Variants in HPSE2 observed in about 807,000 individuals in gnomAD.
HPSE2 encodes the protein heparanase 2 (inactive).
Under a neutral mutation model 60.5 loss-of-function variants are expected in HPSE2, and 38 were observed. The ratio of observed to expected loss-of-function variants is 0.63; its 90% CI spans 0.48 to 0.82. HPSE2 has a LOEUF of 0.82. Among genes scored for constraint, HPSE2 ranks in the 40% least tolerant of loss-of-function variants. The pLI is 0.00. For missense variants in HPSE2, 713 were observed against 740.4 expected, an observed-to-expected ratio of 0.96 and a Z score of 0.43; for synonymous variants, 295 against 293.2, an observed-to-expected ratio of 1.01 and a Z score of -0.06.
chr10:99,192,052 G>A (rs1313366907), intron 2 of HPSE2, among the ~76,000 whole-genome samples: 2 of 152,098 alleles, frequency 1.3e-5, no homozygotes, highest in South Asian at 4.2e-4. Context: ...AACATACATA[G>A]AGGAGACAAA....
intron 3 of HPSE2, among the ~76,000 whole-genome samples, chr10:98,986,835 C>G (rs978948104): frequency 6.6e-5 from 10 of 152,034 alleles, no homozygotes; most frequent in Admixed American, 2.0e-4. Flanking sequence ...CACAGAAATA[C>G]AAACTACCAT....
At chr10:99,249,717 C>T in the HPSE2 span, among the ~76,000 whole-genome samples, 3 of 152,102 alleles carry the variant, frequency 2.0e-5, no homozygotes, top group African/African-American at 7.2e-5. Flanking sequence ...TGTCCCTGCC[C>T]AAATCTCAAT....
At chr10:98,999,854 T>A (rs1287952993) in intron 3 of HPSE2, among the ~76,000 whole-genome samples, 2 of 152,186 alleles carry the variant, frequency 1.3e-5, no homozygotes, top group Non-Finnish European at 2.9e-5. Context: ...ATTTTCTTGA[T>A]AATGGGGAGC....
chr10:99,156,000 A>C (rs1160499196), intron 2 of HPSE2, among the ~76,000 whole-genome samples: 1 of 151,456 alleles, frequency 6.6e-6, no homozygotes, highest in Non-Finnish European at 1.5e-5. Flanking sequence ...GAAAATCTAG[A>C]AGAAATGGAT....
chr10:99,107,587 A>C (rs1274513753), intron 3 of HPSE2, among the ~76,000 whole-genome samples: 3 of 152,202 alleles, frequency 2.0e-5, no homozygotes, highest in African/African-American at 7.2e-5. Flanking sequence ...TTTTAGATCA[A>C]TATTTAACAC....
chr10:98,657,755 AGGT>A (rs1284331602), intron 6 of HPSE2, among the ~76,000 whole-genome samples: 1 of 152,226 alleles, frequency 6.6e-6, no homozygotes, highest in African/African-American at 2.4e-5. Context: ...ATACAGTTTA[AGGT>A]TGAATCACAA....
intron 7 of HPSE2, among the ~76,000 whole-genome samples, chr10:98,621,694 C>T (rs898893508): frequency 6.6e-6 from 1 of 152,232 alleles, no homozygotes; most frequent in African/African-American, 2.4e-5. Context: ...CAAGGGGATA[C>T]AAGGGAAAGC....
chr10:99,253,090 C>T, the HPSE2 span, among the ~76,000 whole-genome samples: 385 of 152,200 alleles, frequency 2.5e-3, 2 homozygotes, highest in Non-Finnish European at 3.6e-3. Context: ...CTATTCCTAT[C>T]AAACTACCAA....
chr10:98,957,066 T>G (rs1395080419), intron 3 of HPSE2, among the ~76,000 whole-genome samples: 1 of 152,172 alleles, frequency 6.6e-6, no homozygotes. Flanking sequence ...TGACTAATGT[T>G]GCATACCAAC....
intron 2 of HPSE2, among the ~76,000 whole-genome samples, chr10:99,205,256 T>G (rs1848707127): frequency 6.6e-6 from 1 of 151,804 alleles, no homozygotes; most frequent in Non-Finnish European, 1.5e-5. Flanking sequence ...ATTTTAAAAC[T>G]AAAAAAATAG....
intron 3 of HPSE2, among the ~76,000 whole-genome samples, chr10:99,040,356 C>T (rs948686973): frequency 1.3e-5 from 2 of 152,050 alleles, no homozygotes; most frequent in African/African-American, 4.8e-5. Flanking sequence ...TTAATATACT[C>T]ATGGTACTTT....
intron 3 of HPSE2, among the ~76,000 whole-genome samples, chr10:99,117,899 CA>C (rs1179425308): frequency 1.3e-5 from 2 of 152,132 alleles, no homozygotes; most frequent in African/African-American, 4.8e-5. Flanking sequence ...CAAAACATAG[CA>C]GAGACACAAT....
intron 3 of HPSE2, among the ~76,000 whole-genome samples, chr10:98,747,544 G>A (rs1949658330): frequency 6.6e-6 from 1 of 152,208 alleles, no homozygotes; most frequent in Non-Finnish European, 1.5e-5. Context: ...CAGTATGGGA[G>A]AAACAGTATG....
chr10:98,969,415 C>G (rs867663262), intron 3 of HPSE2, among the ~76,000 whole-genome samples: 1 of 152,186 alleles, frequency 6.6e-6, no homozygotes, highest in Non-Finnish European at 1.5e-5. Flanking sequence ...TTGCATTGGT[C>G]TGAGGCCCAG....
At chr10:98,753,652 C>T (rs557935415) in intron 3 of HPSE2, among the ~76,000 whole-genome samples, 4 of 152,138 alleles carry the variant, frequency 2.6e-5, no homozygotes, top group African/African-American at 7.2e-5. Flanking sequence ...CCCTCCAGCA[C>T]AGCAGCAAGT....
intron 9 of HPSE2, among the ~76,000 whole-genome samples, chr10:98,556,980 G>A (rs1451491396): frequency 1.3e-5 from 2 of 152,084 alleles, no homozygotes; most frequent in African/African-American, 2.4e-5. Flanking sequence ...GGCGGCTGAG[G>A]GGGCGTGGAT....
At chr10:99,264,032 C>T in the HPSE2 span, among the ~76,000 whole-genome samples, 10 of 152,114 alleles carry the variant, frequency 6.6e-5, no homozygotes, top group African/African-American at 2.4e-4. Flanking sequence ...CCAGCTATCT[C>T]AACCACGCTA....
At chr10:98,966,894 A>C (rs1302942946) in intron 3 of HPSE2, among the ~76,000 whole-genome samples, 1 of 152,212 alleles carries the variant, frequency 6.6e-6, no homozygotes, top group Non-Finnish European at 1.5e-5. Flanking sequence ...CATGTACTCC[A>C]TAAATATGTA....
chr10:98,763,037 A>C (rs72836706), intron 3 of HPSE2, among the ~76,000 whole-genome samples: 2,286 of 152,232 alleles, frequency 0.015, 32 homozygotes, highest in African/African-American at 0.03. Flanking sequence ...TTTAGAGCTA[A>C]AATATATAAT....
Sources: allele counts gnomAD v4.1 joint callset (sites outside exome capture counted in the v4.1 genomes callset), GRCh38; gene constraint gnomAD v4.1.1; transcripts MANE v1.5; gene names NCBI Gene and HGNC (gene_info 2026-07-23, HGNC 2026-07-21).